Variants in CPT2 observed in about 807,000 individuals in gnomAD.
The protein encoded by CPT2 is carnitine palmitoyltransferase 2.
Under a neutral mutation model 48.6 loss-of-function variants are expected in CPT2, and 37 were observed. That is an observed-to-expected ratio of 0.76 (90% CI 0.59 to 1.00). The LOEUF (loss-of-function observed/expected upper bound fraction) is 1.00, where lower values mean the gene tolerates loss of function less well. Ranked by LOEUF, CPT2 falls within the 50% of genes least tolerant of loss-of-function variation. CPT2 has a pLI of 0.00. For synonymous variants in CPT2, 319 were observed against 326.9 expected (o/e 0.98, Z 0.26); for missense variants, 772 against 825.6 (o/e 0.94, Z 0.80).
intron 1 of CPT2, among the ~76,000 whole-genome samples, chr1:53,198,925 C>A (rs563773605): frequency 2.6e-5 from 4 of 152,334 alleles, no homozygotes; most frequent in African/African-American, 9.6e-5. Context: ...AATGTATAAT[C>A]TTTCACACTC....
chr1:53,212,694 C>T (rs1314823829), intron 4 of CPT2: 1 of 403,182 alleles, frequency 2.5e-6, no homozygotes, highest in Non-Finnish European at 4.4e-6. Context: ...CCTGGAGGGT[C>T]ATAGTTGTCC....
Position 53,212,247 on chromosome 1 carries a change from T to C in CPT2, c.1645+928T>C, listed in dbSNP as rs895578257. ...GCCCAGCTAATTTTTATATTTTCAATAGAGACGGGGTTTCACTATGTTGGC... is the reference window on the plus strand; with the variant it reads ...GCCCAGCTAATTTTTATATTTTCAACAGAGACGGGGTTTCACTATGTTGGC... On this transcript the variant is annotated intron_variant, in intron 4 of 4. Coordinates refer to ENST00000371486, the MANE Select transcript of CPT2 (RefSeq NM_000098.3). 4.6e-5 allele frequency among the ~76,000 whole-genome samples: 7 copies of C among 152,168 alleles called. No homozygotes were observed. In the East Asian group the frequency reaches 1.4e-3, roughly 30 times the overall value.
chr1:53,213,758 G>T lies in CPT2; in HGVS notation c.*163G>T. The T allele has an allele frequency of 1.6e-6, 1 of 644,180 alleles. No homozygotes were observed. The highest frequency in any genetic ancestry group is 2.7e-6 in the Non-Finnish European group (1 of 368,732). 39.9% of individuals were successfully genotyped at this position (644,180 alleles called of 1,614,324 possible). ...AACCTGGCCAACATGGTGAAACCTT[G>T]TCTCTACTAAAAATACAAAAATTAG... is the stretch of plus-strand genomic sequence containing the variant. On this transcript the variant is annotated 3_prime_UTR_variant, in exon 5 of 5. Coordinates refer to ENST00000371486, the MANE Select transcript of CPT2 (RefSeq NM_000098.3).
chr1:53,213,468 A>C lies in CPT2; in HGVS notation c.1850A>C (p.His617Pro). 1 of 1,614,262 alleles carries C rather than the reference A, an allele frequency of 6.2e-7. No homozygotes were observed. Among genetic ancestry groups the C allele is most frequent in the Non-Finnish European group, 8.5e-7 (1 of 1,180,040 alleles). Residue 617 changes from histidine (H) to proline (P), a missense_variant, in exon 5 of 5, where the codon CAT (histidine) becomes CCT (proline). Physicochemically the swap from His to Pro is moderately conservative, Grantham distance 77. Coordinates refer to ENST00000371486, the MANE Select transcript of CPT2 (RefSeq NM_000098.3). ...SDGFGVGYAV[H>P]DNWIGCNVSS... Reference sequence around the variant, plus strand: ...GGCTTTGGTGTTGGGTATGCTGTTCATGACAACTGGATAGGCTGCAATGTC... The same window carrying C: ...GGCTTTGGTGTTGGGTATGCTGTTCCTGACAACTGGATAGGCTGCAATGTC...
chr1:53,196,991 T>G lies in CPT2; in HGVS notation c.48T>G (p.Val16=). The part of the protein sequence containing the change: ...LLRAWPRGPA[V]GPGAPSRPLS... ...GCGCCTGGCCCCGGGGCCCCGCGGT[T>G]GGTCCGGGAGCCCCCAGTCGGCCCC... The change falls in exon 1 of 5, where the codon GTT becomes GTG. Residue 16 remains valine, a synonymous_variant. Transcript: ENST00000371486. The G allele has an allele frequency of 2.0e-6, 3 of 1,526,990 alleles. 1 individual carries two copies. The East Asian group carries it at 7.6e-5, about 39-fold the overall frequency. 94.6% of individuals were successfully genotyped at this position (1,526,990 alleles called of 1,614,324 possible).
At chr1:53,198,929 C>G (rs1645339639) in intron 1 of CPT2, among the ~76,000 whole-genome samples, 1 of 152,226 alleles carries the variant, frequency 6.6e-6, no homozygotes, top group African/African-American at 2.4e-5. Context: ...TATAATCTTT[C>G]ACACTCACTC....
intron 3 of CPT2, 23 bp from the exon 4 acceptor site, chr1:53,209,989 GTTA>G (rs1247731891): frequency 4.4e-6 from 7 of 1,585,724 alleles, no homozygotes; most frequent in Non-Finnish European, 6.1e-6. Flanking sequence ...AACATTTTAT[GTTA>G]TTTTTTTCTT....
intron 3 of CPT2, among the ~76,000 whole-genome samples, chr1:53,204,572 C>G (rs1189817702): frequency 6.6e-6 from 1 of 152,038 alleles, no homozygotes; most frequent in Non-Finnish European, 1.5e-5. Flanking sequence ...TATTAAAAAG[C>G]TCTTGGAAGC....
At chr1:53,203,392 G>A (rs544665959) in intron 3 of CPT2, 44 of 152,228 alleles carry the variant, frequency 2.9e-4, no homozygotes, top group African/African-American at 1.0e-3. Context: ...AAACACTATT[G>A]TCAGCTGACT....
chr1:53,199,554 TTTG>T (rs1337297069), intron 1 of CPT2, among the ~76,000 whole-genome samples: 2 of 152,236 alleles, frequency 1.3e-5, no homozygotes, highest in Non-Finnish European at 2.9e-5. Flanking sequence ...AATCTAGAAT[TTTG>T]TTTAAAAGGA....
rs1009503062 is a variant in CPT2 at position 53,213,510 on chromosome 1, G to A, written c.1892G>A (p.Arg631His). Residue 631 changes from arginine to histidine, a missense_variant, in exon 5 of 5, where the codon CGC becomes CAC. Transcript: ENST00000371486. ...IGCNVSSYPG[R>H]NAREFLQCVE... ...TGCAATGTCTCTTCCTACCCAGGCC[G>A]CAATGCCCGGGAGTTTCTCCAATGT... is the stretch of plus-strand genomic sequence containing the variant. 9.9e-6 allele frequency: 16 copies of A among 1,614,124 alleles called. No individual in the cohort carries two copies. Among genetic ancestry groups the A allele is most frequent in the African/African-American group, 2.7e-5 (2 of 74,948 alleles).
chr1:53,210,347 C>T lies in CPT2; in HGVS notation c.673C>T (p.Arg225Cys), dbSNP rs759733220. 5.0e-6 allele frequency: 8 copies of T among 1,614,128 alleles called. No individual in the cohort carries two copies. Among genetic ancestry groups the T allele is most frequent in the East Asian group, 2.2e-5 (1 of 44,888 alleles). Residue 225 changes from arginine (R) to cysteine (C), a missense_variant, in exon 4 of 5, where the codon CGT becomes TGT. Arg to Cys is a radical substitution (Grantham distance 180). Transcript: ENST00000371486. ...GTATTTTCGGCTTTTCAACTCAACT[C>T]GTTTACCCAAACCCAGTCGGGATGA... ...SQYFRLFNST[R>C]LPKPSRDELF...
Position 53,196,978 on chromosome 1 carries a change from G to C in CPT2, c.35G>C (p.Arg12Pro), listed in dbSNP as rs1044059386. 4 of 1,527,096 alleles carry C rather than the reference G, an allele frequency of 2.6e-6. No homozygotes were observed. Among genetic ancestry groups the C allele is most frequent in the Non-Finnish European group, 3.5e-6 (4 of 1,143,594 alleles). The allele number at this position is 1,527,096 out of a possible 1,614,324, so 94.6% of individuals were successfully genotyped here. The change falls in exon 1 of 5, where the codon CGG becomes CCG. Residue 12 changes from arginine (R) to proline (P), a missense_variant. Physicochemically the swap from Arg to Pro is moderately radical, Grantham distance 103 (BLOSUM62 -2). Coordinates refer to ENST00000371486, the MANE Select transcript of CPT2 (RefSeq NM_000098.3). ...VPRLLLRAWP[R>P]GPAVGPGAPS... ...CGCCTGCTGCTGCGCGCCTGGCCCCGGGGCCCCGCGGTTGGTCCGGGAGCC... is the reference window on the plus strand; with the variant it reads ...CGCCTGCTGCTGCGCGCCTGGCCCCCGGGCCCCGCGGTTGGTCCGGGAGCC...
At chr1:53,204,892 T>G (rs1645378111) in intron 3 of CPT2, among the ~76,000 whole-genome samples, 1 of 152,226 alleles carries the variant, frequency 6.6e-6, no homozygotes, top group African/African-American at 2.4e-5. Context: ...ATTGTAAGTT[T>G]CCTGAGGCCT....
intron 4 of CPT2, 196 bp downstream of exon 4, chr1:53,211,515 T>C: frequency 1.7e-6 from 1 of 593,810 alleles, no homozygotes; most frequent in Non-Finnish European, 3.0e-6. Context: ...TGTTCTTGCC[T>C]CCTAAGCAGG....
chr1:53,207,868 T>A (rs1645398152), intron 3 of CPT2: 1 of 152,202 alleles, frequency 6.6e-6, no homozygotes. Flanking sequence ...TTCAACCAGA[T>A]GTATCTAGGT....
rs1450610502 is a variant in CPT2, at chr1:53,213,313, C to T, written c.1695C>T (p.Ala565=). 1 of 1,614,086 alleles carries T rather than the reference C, an allele frequency of 6.2e-7. No homozygotes were observed. The highest frequency in any genetic ancestry group is 8.5e-7 in the Non-Finnish European group (1 of 1,180,056). The change falls in exon 5 of 5, where the codon GCC becomes GCT. Residue 565 remains alanine, a synonymous_variant. Transcript: ENST00000371486. ...HLFALRHLAA[A]KGIILPELYL... is the part of the protein sequence containing the mutation. ...TTGCTCTGCGGCATCTGGCAGCAGCCAAAGGGATCATCTTGCCTGAGCTCT... is the reference window on the plus strand; with the variant it reads ...TTGCTCTGCGGCATCTGGCAGCAGCTAAAGGGATCATCTTGCCTGAGCTCT...
chr1:53,212,795 C>G (rs1645437978), intron 4 of CPT2: 1 of 414,640 alleles, frequency 2.4e-6, no homozygotes, highest in Non-Finnish European at 4.2e-6. Context: ...AAAACCAAGC[C>G]ACTGGCCCCG....
chr1:53,204,552 ATGAG>A (rs745702778), intron 3 of CPT2, among the ~76,000 whole-genome samples: 1 of 151,978 alleles, frequency 6.6e-6, no homozygotes, highest in Non-Finnish European at 1.5e-5. Context: ...TGTCTTCGAT[ATGAG>A]TGAGATATTA....
Sources: allele counts gnomAD v4.1 joint callset (sites outside exome capture counted in the v4.1 genomes callset), GRCh38; gene constraint gnomAD v4.1.1; transcripts MANE v1.5; gene names NCBI Gene and HGNC (gene_info 2026-07-23, HGNC 2026-07-21).